DAB1: variants seen among roughly 807,000 people sequenced by gnomAD.
DAB1 encodes the protein disabled homolog 1.
DAB1 carries 15 observed loss-of-function variants against 64.6 expected under a neutral mutation model. The ratio of observed to expected loss-of-function variants is 0.23; its 90% confidence interval spans 0.16 to 0.36. The LOEUF is 0.36. DAB1 is among the 10% of genes least tolerant of loss of function. The probability of loss-of-function intolerance (pLI) is 1.00; values close to 1 mark genes in which losing one functional copy is unlikely to be tolerated. For missense variants in DAB1, 596 were observed against 706.7 expected, an observed-to-expected ratio of 0.84 and a Z score of 1.78; for synonymous variants, 235 against 251.9, an observed-to-expected ratio of 0.93 and a Z score of 0.64.
rs1417156028 is a variant in DAB1 at position 58,518,282 on chromosome 1, A to G, written n.107+8979T>C. Among the ~76,000 whole-genome samples, 23 of 6,538 alleles carry G rather than the reference A, an allele frequency of 3.5e-3. 2 individuals are homozygous for G. The highest frequency in any genetic ancestry group is 5.7e-3 in the East Asian group (1 of 174). 4.3% of individuals were successfully genotyped at this position (6,538 alleles called of 152,430 possible). A position where few individuals can be genotyped will look rare whatever the true frequency, so the allele number is the denominator to read the frequency against. ...AGGGGAGAGGAGAGAGGAGAGGAGA[A>G]GAGAAGAGAAGAGAAGAGAAGAGAA... On this transcript the variant is annotated intron_variant and non_coding_transcript_variant, in intron 2 of 20. Coordinates refer to the DAB1 transcript ENST00000485760.
chr1:57,038,381 A>T (rs80315925), intron 9 of DAB1, among the ~76,000 whole-genome samples: 376 of 152,322 alleles, frequency 2.5e-3, no homozygotes, highest in African/African-American at 8.3e-3. Flanking sequence ...TTCATGTTTC[A>T]AATGGAAATC....
intron 1 of DAB1, chr1:58,530,578 T>C (rs1482502764): frequency 8.1e-6 from 7 of 865,758 alleles, no homozygotes; most frequent in African/African-American, 4.9e-5. Flanking sequence ...TATGATCAAT[T>C]CAAGTTATTG....
At chr1:57,125,824 T>G (rs1236203666) in intron 4 of DAB1, among the ~76,000 whole-genome samples, 1 of 152,206 alleles carries the variant, frequency 6.6e-6, no homozygotes, top group Non-Finnish European at 1.5e-5. Context: ...GATGCCATTT[T>G]CTGTCTCAGG....
intron 7 of DAB1, among the ~76,000 whole-genome samples, chr1:57,603,774 G>A (rs1452959485): frequency 6.6e-6 from 1 of 152,156 alleles, no homozygotes; most frequent in Non-Finnish European, 1.5e-5. Flanking sequence ...AAATTCACAG[G>A]TGAAGAGGAT....
intron 3 of DAB1, among the ~76,000 whole-genome samples, chr1:58,374,185 T>G (rs1644300341): frequency 8.1e-6 from 1 of 123,866 alleles, no homozygotes; most frequent in Non-Finnish European, 1.8e-5. Flanking sequence ...TTAGTTTAAT[T>G]AGATCCCATT....
chr1:58,308,661 T>C (rs1662359324), intron 4 of DAB1, among the ~76,000 whole-genome samples: 1 of 152,208 alleles, frequency 6.6e-6, no homozygotes, highest in Admixed American at 6.5e-5. Flanking sequence ...TTTAGTTTGC[T>C]ATACTTAGTC....
intron 3 of DAB1, among the ~76,000 whole-genome samples, chr1:58,397,655 G>T (rs917813144): frequency 6.6e-6 from 1 of 152,110 alleles, no homozygotes; most frequent in Non-Finnish European, 1.5e-5. Context: ...TAGCATTCCT[G>T]CCTCCTTCCC....
intron 3 of DAB1, chr1:58,481,310 T>C (rs1439208039): frequency 5.0e-6 from 2 of 398,596 alleles, no homozygotes; most frequent in Admixed American, 4.3e-5. Context: ...ATCTTGATTA[T>C]AACACATAAA....
intron 2 of DAB1, among the ~76,000 whole-genome samples, chr1:57,176,169 A>G (rs891652163): frequency 1.3e-5 from 2 of 152,134 alleles, no homozygotes; most frequent in African/African-American, 4.8e-5. Flanking sequence ...TTTTAGTTTC[A>G]GCATTAACCA....
intron 3 of DAB1, among the ~76,000 whole-genome samples, chr1:58,397,780 C>T (rs973795305): frequency 1.3e-5 from 2 of 152,212 alleles, no homozygotes; most frequent in African/African-American, 2.4e-5. Context: ...TTCACCACGT[C>T]CTGTGGATTT....
chr1:57,035,152 T>C (rs762181719), intron 9 of DAB1, among the ~76,000 whole-genome samples: 31 of 152,198 alleles, frequency 2.0e-4, no homozygotes, highest in Non-Finnish European at 3.7e-4. Flanking sequence ...CTATCATCTA[T>C]GGTGTGGCCT....
At chr1:58,082,986 C>T (rs1650091470) in intron 5 of DAB1, among the ~76,000 whole-genome samples, 1 of 152,144 alleles carries the variant, frequency 6.6e-6, no homozygotes, top group Non-Finnish European at 1.5e-5. Context: ...GAAAATGAAT[C>T]CACTTCAAGA....
At chr1:57,943,144 G>A (rs1645128398) in intron 5 of DAB1, among the ~76,000 whole-genome samples, 1 of 152,210 alleles carries the variant, frequency 6.6e-6, no homozygotes, top group South Asian at 2.1e-4. Context: ...ATGAAAACCT[G>A]CTGCCTGCCT....
chr1:58,063,119 G>C (rs554906756), intron 5 of DAB1, among the ~76,000 whole-genome samples: 1 of 152,144 alleles, frequency 6.6e-6, no homozygotes, highest in Non-Finnish European at 1.5e-5. Flanking sequence ...CAGAATGTCC[G>C]AAGAGGCCCA....
chr1:57,866,728 T>C (rs560173584), intron 1 of DAB1, among the ~76,000 whole-genome samples: 5 of 152,302 alleles, frequency 3.3e-5, no homozygotes, highest in African/African-American at 1.2e-4. Context: ...ATGACAGGTA[T>C]TATTTTTAAG....
At chr1:57,645,537 T>C (rs1242729387) in intron 7 of DAB1, among the ~76,000 whole-genome samples, 2 of 152,202 alleles carry the variant, frequency 1.3e-5, no homozygotes, top group African/African-American at 4.8e-5. Flanking sequence ...CCTTTTGCAT[T>C]TTAAGGGTTT....
At chr1:58,157,501 T>G (rs1465616389) in intron 4 of DAB1, among the ~76,000 whole-genome samples, 4 of 152,196 alleles carry the variant, frequency 2.6e-5, no homozygotes, top group Non-Finnish European at 4.4e-5. Context: ...GTGAGTTTAC[T>G]GAGTTCCAGT....
At chr1:57,977,888 C>A (rs1013252690) in intron 5 of DAB1, among the ~76,000 whole-genome samples, 10 of 152,136 alleles carry the variant, frequency 6.6e-5, no homozygotes, top group African/African-American at 2.4e-4. Context: ...AAGAGAACTA[C>A]AAACCACTGC....
chr1:57,122,111 G>A (rs935687114), intron 4 of DAB1, among the ~76,000 whole-genome samples: 7 of 152,012 alleles, frequency 4.6e-5, no homozygotes, highest in Non-Finnish European at 7.4e-5. Context: ...CCTTTGCTTT[G>A]CTTGATAGGT....
Sources: gnomAD v4.1 joint callset for allele counts (sites outside exome capture counted in the v4.1 genomes callset) on GRCh38, gnomAD v4.1.1 for gene constraint, MANE v1.5 for transcripts, NCBI Gene and HGNC (gene_info 2026-07-23, HGNC 2026-07-21) for gene names.